The following PCDH15 variants were observed in gnomAD, a reference collection of about 807,000 sequenced individuals.
PCDH15 encodes protocadherin-15.
PCDH15 carries 129 observed loss-of-function variants against 178.5 expected under a neutral mutation model. The observed-to-expected ratio is 0.72, with a 90% CI of 0.63 to 0.84. The LOEUF (loss-of-function observed/expected upper bound fraction) is 0.84, where lower values mean the gene tolerates loss of function less well. PCDH15 is among the 40% of genes least tolerant of loss of function. PCDH15 has a pLI of 0.00. For synonymous variants in PCDH15, 800 were observed against 732.0 expected, an observed-to-expected ratio of 1.09 and a Z score of -1.50; for missense variants, 2,230 against 2,099.9, an observed-to-expected ratio of 1.06 and a Z score of -1.21.
chr10:53,979,032 C>T (rs965395473), intron 21 of PCDH15, among the ~76,000 whole-genome samples: 4 of 152,166 alleles, frequency 2.6e-5, no homozygotes, highest in African/African-American at 9.7e-5. Context: ...CCAACCTCTG[C>T]CTGTTACCCA....
chr10:55,062,900 A>T (rs931420384), intron 2 of PCDH15, among the ~76,000 whole-genome samples: 10 of 152,142 alleles, frequency 6.6e-5, no homozygotes, highest in African/African-American at 2.2e-4. Context: ...AAACTGCTTT[A>T]AAAAATCTTT....
intron 2 of PCDH15, among the ~76,000 whole-genome samples, chr10:55,413,780 T>G (rs1269901489): frequency 6.6e-6 from 1 of 151,630 alleles, no homozygotes; most frequent in Non-Finnish European, 1.5e-5. Flanking sequence ...TCTCTTCAAT[T>G]TCTGAATACA....
chr10:54,098,854 G>GA (rs1212844245), intron 15 of PCDH15, among the ~76,000 whole-genome samples: 1 of 151,922 alleles, frequency 6.6e-6, no homozygotes, highest in Non-Finnish European at 1.5e-5. Flanking sequence ...AAACCAAATA[G>GA]AAAAAAATCA....
chr10:55,547,945 GA>G (rs1343491894), intron 2 of PCDH15, among the ~76,000 whole-genome samples: 3 of 150,252 alleles, frequency 2.0e-5, no homozygotes, highest in African/African-American at 7.3e-5. Context: ...GAGAGAGAGA[GA>G]GAGAGACAGG....
chr10:53,888,835 A>C (rs981753586), intron 26 of PCDH15, among the ~76,000 whole-genome samples: 130 of 150,212 alleles, frequency 8.7e-4, no homozygotes, highest in Non-Finnish European at 1.2e-3. Flanking sequence ...ATATTATAAA[A>C]CTATAGTAAT....
intron 32 of PCDH15, among the ~76,000 whole-genome samples, chr10:53,824,718 T>G (rs1361036669): frequency 6.6e-6 from 1 of 152,102 alleles, no homozygotes; most frequent in South Asian, 2.1e-4. Context: ...TACTGGTTGT[T>G]TTTGTAAACA....
chr10:55,191,206 A>AT (rs199696142), intron 1 of PCDH15, among the ~76,000 whole-genome samples: 1,864 of 147,744 alleles, frequency 0.013, 53 homozygotes, highest in African/African-American at 0.043. Context: ...ATAGCTTAAG[A>AT]TTTTTTTTTA....
chr10:53,813,990 T>C (rs1317890302), intron 35 of PCDH15, among the ~76,000 whole-genome samples: 1 of 152,002 alleles, frequency 6.6e-6, no homozygotes, highest in Non-Finnish European at 1.5e-5. Context: ...TATAGGAAGG[T>C]TGAAGTGTGG....
intron 8 of PCDH15, among the ~76,000 whole-genome samples, chr10:54,300,609 G>A (rs568416380): frequency 6.6e-6 from 1 of 152,252 alleles, no homozygotes; most frequent in East Asian, 1.9e-4. Flanking sequence ...GTCCTGTTTA[G>A]AGGAGGGATT....
At chr10:54,611,781 G>A (rs1317538133) in intron 2 of PCDH15, among the ~76,000 whole-genome samples, 1 of 151,806 alleles carries the variant, frequency 6.6e-6, no homozygotes, top group Non-Finnish European at 1.5e-5. Context: ...TCAGCTTTCT[G>A]TATTTCTCAT....
At chr10:55,513,518 C>T (rs899456772) in intron 2 of PCDH15, among the ~76,000 whole-genome samples, 5 of 151,978 alleles carry the variant, frequency 3.3e-5, no homozygotes, top group African/African-American at 9.7e-5. Flanking sequence ...GTTATAAACA[C>T]ACAATTACAT....
At chr10:54,164,622 C>T (rs2046030857) in intron 13 of PCDH15, among the ~76,000 whole-genome samples, 1 of 152,074 alleles carries the variant, frequency 6.6e-6, no homozygotes, top group African/African-American at 2.4e-5. Flanking sequence ...TGTTAATTTG[C>T]TTTGTAGAGG....
intron 2 of PCDH15, among the ~76,000 whole-genome samples, chr10:54,981,671 T>C (rs2131905044): frequency 6.6e-6 from 1 of 152,292 alleles, no homozygotes; most frequent in African/African-American, 2.4e-5. Context: ...ATATTCTCCA[T>C]TCTTTCTGCA....
intron 2 of PCDH15, among the ~76,000 whole-genome samples, chr10:55,511,025 A>G (rs547903260): frequency 6.7e-6 from 1 of 150,264 alleles, no homozygotes; most frequent in African/African-American, 2.5e-5. Context: ...ATGAGTGGCT[A>G]ATTTGTTTTT....
At chr10:55,536,766 G>A (rs1207259710) in intron 2 of PCDH15, among the ~76,000 whole-genome samples, 1 of 152,008 alleles carries the variant, frequency 6.6e-6, no homozygotes, top group African/African-American at 2.4e-5. Flanking sequence ...AATTCAAGTT[G>A]CCCAACACAA....
intron 1 of PCDH15, among the ~76,000 whole-genome samples, chr10:54,752,485 AAAAAAAC>A (rs377720882): frequency 0.047 from 3,887 of 81,940 alleles, 347 homozygotes; most frequent in South Asian, 0.17. Flanking sequence ...TCAAAAAAAA[AAAAAAAC>A]AAAAAACAAA....
intron 2 of PCDH15, among the ~76,000 whole-genome samples, chr10:54,925,389 A>AT (rs1822434235): frequency 6.6e-6 from 1 of 150,760 alleles, no homozygotes; most frequent in Admixed American, 6.6e-5. Flanking sequence ...ATGCCTCCAA[A>AT]TTTTTCTTTT....
intron 2 of PCDH15, among the ~76,000 whole-genome samples, chr10:54,918,609 T>A (rs1837406392): frequency 6.6e-6 from 1 of 152,274 alleles, no homozygotes; most frequent in East Asian, 1.9e-4. Context: ...AATATGGTAA[T>A]TGCACTAACA....
chr10:53,878,221 T>C (rs1335390617), intron 26 of PCDH15, among the ~76,000 whole-genome samples: 43 of 19,356 alleles, frequency 2.2e-3, no homozygotes, highest in African/African-American at 3.6e-3. Flanking sequence ...TTTGAATATA[T>C]ATATATATAT....
Sources: gnomAD v4.1 joint callset for allele counts (sites outside exome capture counted in the v4.1 genomes callset) on GRCh38, gnomAD v4.1.1 for gene constraint, MANE v1.5 for transcripts, NCBI Gene and HGNC (gene_info 2026-07-23, HGNC 2026-07-21) for gene names.